MYRIP: variants seen among roughly 807,000 people sequenced by gnomAD.
MYRIP encodes myosin VIIA and Rab interacting protein.
MYRIP carries 49 observed loss-of-function variants against 98.0 expected under a neutral mutation model. The ratio of observed to expected loss-of-function variants is 0.50; its 90% CI spans 0.40 to 0.63. MYRIP has a LOEUF of 0.63. Ranked by LOEUF, MYRIP falls within the 30% of genes least tolerant of loss-of-function variation. The pLI, the probability that MYRIP is intolerant of heterozygous loss-of-function variation, is 0.00. For missense variants in MYRIP, 1,004 were observed against 1,058.2 expected (o/e 0.95, Z 0.71); for synonymous variants, 404 against 409.5 (o/e 0.99, Z 0.16).
intron 8 of MYRIP, 102 bp from the exon 9 acceptor site, chr3:40,182,118 G>A (rs1354646743): frequency 7.8e-7 from 1 of 1,286,418 alleles, no homozygotes. Flanking sequence ...CATTAAACAT[G>A]TTTTCTCCAT....
chr3:40,167,978 A>G (rs1035033839), intron 7 of MYRIP, among the ~76,000 whole-genome samples: 4 of 152,182 alleles, frequency 2.6e-5, no homozygotes, highest in Non-Finnish European at 4.4e-5. Context: ...GCCTTGTTGT[A>G]TCAGAGTTTT....
At chr3:39,948,583 A>G (rs1391032437) in intron 2 of MYRIP, among the ~76,000 whole-genome samples, 2 of 152,150 alleles carry the variant, frequency 1.3e-5, no homozygotes, top group Non-Finnish European at 2.9e-5. Flanking sequence ...AAGATTAAAC[A>G]CTGTAAGATG....
intron 1 of MYRIP, among the ~76,000 whole-genome samples, chr3:39,877,342 C>T (rs1437975951): frequency 4.6e-5 from 7 of 152,194 alleles, no homozygotes; most frequent in Admixed American, 2.6e-4. Context: ...TCTCTCAGCT[C>T]GTCAAAGTCA....
At chr3:39,879,274 A>G (rs188507519) in intron 1 of MYRIP, among the ~76,000 whole-genome samples, 22 of 151,932 alleles carry the variant, frequency 1.4e-4, no homozygotes, top group Non-Finnish European at 2.1e-4. Context: ...AATAGCTCTT[A>G]TAAATTACCT....
chr3:39,885,343 G>A (rs1205634747), intron 1 of MYRIP, among the ~76,000 whole-genome samples: 2 of 152,050 alleles, frequency 1.3e-5, no homozygotes, highest in Admixed American at 6.6e-5. Context: ...CTTCTGGCTT[G>A]TAGAGTTTCT....
Position 40,251,920 on chromosome 3 carries a change from C to T in MYRIP, c.2468C>T (p.Thr823Ile), listed in dbSNP as rs1164216459. The change falls in exon 16 of 17, where the codon ACA becomes ATA. Residue 823 changes from threonine (T) to isoleucine (I), a missense_variant. By Grantham distance (89) the Thr-to-Ile change is moderately conservative. Around this residue, in one of 3 missense-constraint regions of MYRIP, gnomAD observed 108 missense variants for 111.1 expected, o/e 0.97. Transcript: ENST00000302541. ...ACATCTTCAGTGACTACCATTAAAA[C>T]ATTTAACCACAACTTCATTCTCCAA... The part of the protein sequence containing the change: ...IETSSVTTIK[T>I]FNHNFILQGS... 2 of 1,613,790 alleles carry T rather than the reference C, an allele frequency of 1.2e-6. No homozygotes were observed. The highest frequency in any genetic ancestry group is 3.3e-5 in the Admixed American group (2 of 59,998).
intron 1 of MYRIP, among the ~76,000 whole-genome samples, chr3:39,822,667 A>G (rs11720092): frequency 0.3 from 44,988 of 152,008 alleles, 6,869 homozygotes; most frequent in South Asian, 0.36. Context: ...ATTTTGTATC[A>G]TTTAACAATT....
chr3:40,110,451 T>C (rs1283857470), intron 3 of MYRIP, among the ~76,000 whole-genome samples: 1 of 152,164 alleles, frequency 6.6e-6, no homozygotes, highest in Non-Finnish European at 1.5e-5. Flanking sequence ...GTAAGAGAAA[T>C]CAAGAGTAGA....
intron 1 of MYRIP, among the ~76,000 whole-genome samples, chr3:39,831,160 A>G (rs1409687454): frequency 6.6e-6 from 1 of 151,886 alleles, no homozygotes; most frequent in Non-Finnish European, 1.5e-5. Context: ...TTGACCTCTT[A>G]GTGTTGGACT....
At chr3:39,919,868 A>G (rs1474082003) in intron 2 of MYRIP, among the ~76,000 whole-genome samples, 1 of 152,154 alleles carries the variant, frequency 6.6e-6, no homozygotes, top group Non-Finnish European at 1.5e-5. Flanking sequence ...TGATCACACT[A>G]TCTATCTTAC....
chr3:40,002,966 ATATC>A (rs1302067135), intron 2 of MYRIP, among the ~76,000 whole-genome samples: 10 of 151,970 alleles, frequency 6.6e-5, no homozygotes, highest in African/African-American at 1.7e-4. Flanking sequence ...ATCTAAAGCT[ATATC>A]TATATGTATC....
At position 39,869,118 on chromosome 3, in the gene MYRIP, T is replaced by C. The variant is rs111437585; in HGVS notation, c.-30-31669T>C. Among the ~76,000 whole-genome samples, 11 of 152,344 alleles carry C rather than the reference T, an allele frequency of 7.2e-5. 1 individual carries two copies. Among genetic ancestry groups the C allele is most frequent in the African/African-American group, 2.4e-4 (10 of 41,590 alleles). Reference sequence around the variant, plus strand: ...AATACTTTTCATCAAATTTGAGAAATTCTCCACATTATTTATTCAGATTAT... The same window carrying C: ...AATACTTTTCATCAAATTTGAGAAACTCTCCACATTATTTATTCAGATTAT... On this transcript the variant is annotated intron_variant, in intron 1 of 16. Coordinates refer to ENST00000302541, the MANE Select transcript of MYRIP (RefSeq NM_015460.4).
chr3:40,034,454 C>G lies in MYRIP; in HGVS notation c.111-9596C>G, dbSNP rs528297400. Among the ~76,000 whole-genome samples, 255 of 151,984 alleles carry G rather than the reference C, an allele frequency of 1.7e-3. 2 individuals carry two copies. The highest frequency in any genetic ancestry group is 5.8e-3 in the African/African-American group (239 of 41,420). On this transcript the variant is annotated intron_variant, in intron 2 of 16. Coordinates refer to ENST00000302541, the MANE Select transcript of MYRIP (RefSeq NM_015460.4). Reference sequence around the variant, plus strand: ...TCTCAAAAGAAGACATTTATGCAGCCAAAAGACACATGAAAAAATGCTCAT... The same window carrying G: ...TCTCAAAAGAAGACATTTATGCAGCGAAAAGACACATGAAAAAATGCTCAT...
intron 2 of MYRIP, among the ~76,000 whole-genome samples, chr3:40,026,490 T>C (rs1044976436): frequency 5.3e-5 from 8 of 152,124 alleles, no homozygotes. Flanking sequence ...ATCCTCAGCT[T>C]ACAAAGGTAA....
intron 2 of MYRIP, among the ~76,000 whole-genome samples, chr3:39,953,223 A>T (rs945260721): frequency 2.0e-5 from 3 of 152,182 alleles, no homozygotes; most frequent in Non-Finnish European, 2.9e-5. Context: ...TAATGGTAGC[A>T]GTCCCAAGCT....
intron 1 of MYRIP, among the ~76,000 whole-genome samples, chr3:39,861,263 G>A (rs1487512862): frequency 6.6e-6 from 1 of 152,092 alleles, no homozygotes; most frequent in Non-Finnish European, 1.5e-5. Context: ...CAGAAATGAA[G>A]CTAGTCAACC....
chr3:40,249,906 T>G (rs1260747217), intron 13 of MYRIP, among the ~76,000 whole-genome samples: 6 of 152,158 alleles, frequency 3.9e-5, no homozygotes, highest in Non-Finnish European at 8.8e-5. Context: ...CTCACCCCCA[T>G]GCTGAGCCAG....
intron 3 of MYRIP, among the ~76,000 whole-genome samples, chr3:40,073,515 G>A (rs373760352): frequency 1.9e-4 from 29 of 152,298 alleles, no homozygotes; most frequent in East Asian, 7.7e-4. Context: ...CTGTTGATGC[G>A]CATGCTGCGG....
intron 2 of MYRIP, among the ~76,000 whole-genome samples, chr3:39,973,115 TAA>T (rs1358555654): frequency 2.6e-5 from 4 of 152,066 alleles, no homozygotes; most frequent in Non-Finnish European, 5.9e-5. Flanking sequence ...GCAAATTGGA[TAA>T]AGAGTCAAGA....
Sources: allele counts gnomAD v4.1 joint callset (sites outside exome capture counted in the v4.1 genomes callset), GRCh38; gene constraint gnomAD v4.1.1; regional missense constraint gnomAD v4.1.1; transcripts MANE v1.5; gene names NCBI Gene and HGNC (gene_info 2026-07-23, HGNC 2026-07-21).